CFAP54: variants seen among roughly 807,000 people sequenced by gnomAD.
The protein encoded by CFAP54 is cilia- and flagella-associated protein 54.
CFAP54 carries 290 observed loss-of-function variants against 370.4 expected under a neutral mutation model. The observed-to-expected ratio is 0.78, with a 90% CI of 0.71 to 0.86. The LOEUF (loss-of-function observed/expected upper bound fraction) is 0.86, where lower values mean the gene tolerates loss of function less well. Among genes scored for constraint, CFAP54 ranks in the 40% least tolerant of loss-of-function variants. CFAP54 has a pLI of 0.00. For missense variants in CFAP54, 3,399 were observed against 3,528.7 expected, an observed-to-expected ratio of 0.96 and a Z score of 0.93; for synonymous variants, 1,206 against 1,236.5, an observed-to-expected ratio of 0.98 and a Z score of 0.52.
At chr12:96,633,040 G>A (rs1467692459) in intron 32 of CFAP54, among the ~76,000 whole-genome samples, 1 of 151,960 alleles carries the variant, frequency 6.6e-6, no homozygotes, top group African/African-American at 2.4e-5. Flanking sequence ...CTTTGTATAG[G>A]TGTATAGTTG....
intron 60 of CFAP54, 24 bp downstream of exon 60, chr12:96,765,242 A>G: frequency 6.9e-7 from 1 of 1,455,768 alleles, no homozygotes; most frequent in South Asian, 1.6e-5. Flanking sequence ...TCTACATATT[A>G]TGCAAAAAAA....
At chr12:96,820,844 G>A (rs942457784) in intron 65 of CFAP54, among the ~76,000 whole-genome samples, 13 of 152,140 alleles carry the variant, frequency 8.5e-5, no homozygotes, top group African/African-American at 9.7e-5. Context: ...TACAATGACA[G>A]TTTTTAAGCC....
At chr12:96,675,343 A>G (rs1173585488) in intron 39 of CFAP54, among the ~76,000 whole-genome samples, 1 of 152,248 alleles carries the variant, frequency 6.6e-6, no homozygotes, top group African/African-American at 2.4e-5. Flanking sequence ...AAAAATGCTC[A>G]TCATCACTGG....
At chr12:96,835,462 A>G (rs1959183161) in intron 66 of CFAP54, among the ~76,000 whole-genome samples, 1 of 152,126 alleles carries the variant, frequency 6.6e-6, no homozygotes, top group African/African-American at 2.4e-5. Context: ...CCCAGCCTTC[A>G]GGCCCTCCCT....
intron 63 of CFAP54, among the ~76,000 whole-genome samples, chr12:96,807,035 T>C (rs1343469973): frequency 2.0e-5 from 3 of 152,208 alleles, no homozygotes; most frequent in Non-Finnish European, 4.4e-5. Flanking sequence ...CCGTTGCTAC[T>C]AATGCAGCTT....
chr12:96,858,823 G>A (rs767165763), intron 66 of CFAP54, among the ~76,000 whole-genome samples: 3 of 152,250 alleles, frequency 2.0e-5, no homozygotes, highest in Admixed American at 6.5e-5. Flanking sequence ...ACTGTCCAGA[G>A]CAATTTACAG....
At chr12:96,568,573 A>G (rs1266556027) in intron 19 of CFAP54, among the ~76,000 whole-genome samples, 1 of 152,210 alleles carries the variant, frequency 6.6e-6, no homozygotes, top group Non-Finnish European at 1.5e-5. Context: ...TAAAGAAGAC[A>G]AATACATTTA....
At chr12:96,747,929 T>C (rs923109076) in intron 55 of CFAP54, among the ~76,000 whole-genome samples, 2 of 152,230 alleles carry the variant, frequency 1.3e-5, no homozygotes, top group African/African-American at 4.8e-5. Context: ...TTTAGTTTCT[T>C]TATCTTTGTC....
chr12:96,601,697 G>A (rs999681408), intron 26 of CFAP54, among the ~76,000 whole-genome samples: 3 of 152,176 alleles, frequency 2.0e-5, no homozygotes, highest in Admixed American at 6.5e-5. Context: ...GGGTGTATGT[G>A]TCCAGGAATT....
At chr12:96,684,430 A>G (rs563956777) in intron 40 of CFAP54, among the ~76,000 whole-genome samples, 1 of 152,142 alleles carries the variant, frequency 6.6e-6, no homozygotes, top group African/African-American at 2.4e-5. Flanking sequence ...CATTATTACT[A>G]TCTGTTAGAG....
chr12:96,812,933 T>C (rs1052744930), intron 64 of CFAP54, among the ~76,000 whole-genome samples: 1 of 152,144 alleles, frequency 6.6e-6, no homozygotes, highest in African/African-American at 2.4e-5. Context: ...CCTCTTTATT[T>C]TCATTCAGTC....
chr12:96,704,834 A>C, intron 47 of CFAP54, 38 bp downstream of exon 47: 1 of 813,792 alleles, frequency 1.2e-6, no homozygotes, highest in Non-Finnish European at 1.9e-6. Context: ...GGTTTTCCTA[A>C]GTGTGGATAA....
intron 46 of CFAP54, among the ~76,000 whole-genome samples, chr12:96,701,447 C>T (rs1957491014): frequency 6.6e-6 from 1 of 152,028 alleles, no homozygotes; most frequent in Non-Finnish European, 1.5e-5. Flanking sequence ...AGGGGGGCTC[C>T]TGCTTTCCTG....
At chr12:96,557,423 A>G (rs1356962961) in intron 17 of CFAP54, among the ~76,000 whole-genome samples, 2 of 152,184 alleles carry the variant, frequency 1.3e-5, no homozygotes, top group Non-Finnish European at 2.9e-5. Flanking sequence ...TGACCCAGCA[A>G]TGTCACTCAT....
At chr12:96,734,865 C>T in intron 50 of CFAP54, among the ~76,000 whole-genome samples, 1 of 152,034 alleles carries the variant, frequency 6.6e-6, no homozygotes, top group Non-Finnish European at 1.5e-5. Flanking sequence ...ATTACACCAA[C>T]CATACATAGA....
In CFAP54 at chr12:96,700,042, A is replaced by T. The variant is rs757227168; in HGVS notation, c.6423A>T (p.Lys2141Asn). 6.2e-7 allele frequency: 1 copy of T among 1,610,708 alleles called. No homozygotes were observed. The highest frequency in any genetic ancestry group is 1.1e-5 in the South Asian group (1 of 90,156). Residue 2141 changes from lysine to asparagine, a missense_variant, in exon 46 of 68, where the codon AAA (lysine) becomes AAT (asparagine). Lys to Asn is a moderately conservative substitution (Grantham distance 94). Transcript: ENST00000524981. ...AGATATCCCAAATTTTCTATGGAAA[A>T]AACATGCCTTGTCCAATACCTGCAG... ...FYEISQIFYGKNMPCPIPAGY... is the reference protein window; with the variant it reads ...FYEISQIFYGNNMPCPIPAGY...
chr12:96,684,722 G>T lies in CFAP54; in HGVS notation c.5791G>T (p.Ala1931Ser). The change falls in exon 41 of 68, where the codon GCA (alanine) becomes TCA (serine). Residue 1931 changes from alanine (A) to serine (S), a missense_variant. This residue lies in a region of CFAP54 where 2,796 missense variants were observed against 2,869.7 expected (regional missense o/e 0.97). Transcript: ENST00000524981. The stretch of plus-strand genomic sequence containing the variant: ...TTCACTTGGAAGTCTTCTCATCTTC[G>T]CAGAAAAGAAAAGGTAGATTTTTAG... Reference protein sequence around the residue: ...LHSLGSLLIFAEKKRAAFKCW... With the variant: ...LHSLGSLLIFSEKKRAAFKCW... 1 of 1,610,270 alleles carries T rather than the reference G, an allele frequency of 6.2e-7. No homozygotes were observed. The highest frequency in any genetic ancestry group is 8.5e-7 in the Non-Finnish European group (1 of 1,178,736).
intron 26 of CFAP54, among the ~76,000 whole-genome samples, chr12:96,601,060 G>A (rs952948336): frequency 3.3e-5 from 5 of 151,976 alleles, no homozygotes; most frequent in East Asian, 1.9e-4. Flanking sequence ...GAATGCTTCC[G>A]GTTTTGCCCA....
intron 50 of CFAP54, among the ~76,000 whole-genome samples, chr12:96,737,406 A>G (rs1469604805): frequency 6.6e-6 from 1 of 151,390 alleles, no homozygotes; most frequent in Non-Finnish European, 1.5e-5. Context: ...GGGGAAAAAA[A>G]GGAGAGAATT....
Sources: gnomAD v4.1 joint callset for allele counts (sites outside exome capture counted in the v4.1 genomes callset) on GRCh38, gnomAD v4.1.1 for gene constraint, gnomAD v4.1.1 regional missense constraint, MANE v1.5 for transcripts, NCBI Gene and HGNC (gene_info 2026-07-23, HGNC 2026-07-21) for gene names.